The following SGK1 variants were observed in gnomAD, a reference collection of about 807,000 sequenced individuals.
SGK1 encodes serine/threonine-protein kinase Sgk1.
A neutral mutation model predicts 64.2 loss-of-function variants in SGK1; 26 were observed. The observed-to-expected ratio is 0.40, with a 90% confidence interval of 0.30 to 0.56. SGK1 has a LOEUF of 0.56. Among genes scored for constraint, SGK1 ranks in the 20% least tolerant of loss-of-function variants. The probability of loss-of-function intolerance (pLI) is 0.38; values close to 1 mark genes in which losing one functional copy is unlikely to be tolerated. For missense variants in SGK1, 519 were observed against 645.6 expected (o/e 0.80, Z 2.12); for synonymous variants, 265 against 239.7 (o/e 1.11, Z -0.98).
chr6:134,178,634 T>C (rs765331234), intron 3 of SGK1, among the ~76,000 whole-genome samples: 4 of 152,178 alleles, frequency 2.6e-5, no homozygotes, highest in Non-Finnish European at 4.4e-5. Flanking sequence ...TCCCGAACTG[T>C]TTGTAAATGC....
chr6:134,179,169 C>A (rs1339904716), intron 3 of SGK1, among the ~76,000 whole-genome samples: 1 of 152,022 alleles, frequency 6.6e-6, no homozygotes, highest in Non-Finnish European at 1.5e-5. Flanking sequence ...TAACCATATT[C>A]ACTCTTAAGA....
At chr6:134,232,429 A>AGAGAG (rs1562259737) in intron 2 of SGK1, among the ~76,000 whole-genome samples, 17,590 of 56,234 alleles carry the variant, frequency 0.31, 3,012 homozygotes, top group Non-Finnish European at 0.35. Flanking sequence ...GAAAGAAAGA[A>AGAGAG]AGAAAGAAAG....
chr6:134,299,468 G>T (rs1213827153), intron 1 of SGK1, among the ~76,000 whole-genome samples: 1 of 152,188 alleles, frequency 6.6e-6, no homozygotes, highest in Non-Finnish European at 1.5e-5. Context: ...AGCTAAGTGT[G>T]GAGTAAGGGT....
chr6:134,312,903 G>A (rs1481149781), intron 1 of SGK1, among the ~76,000 whole-genome samples: 1 of 152,118 alleles, frequency 6.6e-6, no homozygotes, highest in Non-Finnish European at 1.5e-5. Flanking sequence ...CTCCTGAGTA[G>A]CTGGGATTAT....
At chr6:134,207,263 AT>A (rs1192490008) in intron 3 of SGK1, 92 bp downstream of exon 3, 6 of 801,178 alleles carry the variant, frequency 7.5e-6, no homozygotes, top group Admixed American at 2.7e-5. Context: ...AAACAAAAAA[AT>A]ATTTCCCCCC....
At chr6:134,181,971 C>T (rs960092750) in intron 3 of SGK1, among the ~76,000 whole-genome samples, 1 of 151,980 alleles carries the variant, frequency 6.6e-6, no homozygotes, top group African/African-American at 2.4e-5. Context: ...GATTCTCATG[C>T]CTCAGACTCT....
In SGK1 at chr6:134,213,615, AAAATAAATAAAT is replaced by A. The variant is rs55961271; in HGVS notation, c.286-6196_286-6185del. On this transcript the variant is annotated intron_variant, in intron 2 of 13. Transcript: ENST00000367858. ...GGTGACAAGAGCAAAACTCTGTCTC[AAAATAAATAAAT>A]AAATAAATAAATAAATAATAAATAA... Among the ~76,000 whole-genome samples, 14 of 123,006 alleles carry A rather than the reference AAAATAAATAAAT, an allele frequency of 1.1e-4. No homozygotes were observed. The East Asian group carries it at 3.1e-3, about 27-fold the overall frequency. The allele number at this position is 123,006 out of a possible 152,430, so 80.7% of individuals were successfully genotyped here. A position where few individuals can be genotyped will look rare whatever the true frequency, so the allele number is the denominator to read the frequency against.
At chr6:134,289,920 G>A (rs930448567) in intron 1 of SGK1, among the ~76,000 whole-genome samples, 3 of 151,912 alleles carry the variant, frequency 2.0e-5, no homozygotes, top group South Asian at 4.1e-4. Context: ...AGGCTGAGGC[G>A]GGTGGATCAC....
intron 3 of SGK1, chr6:134,175,730 C>G (rs1314914222): frequency 1.5e-6 from 2 of 1,373,628 alleles, no homozygotes; most frequent in African/African-American, 1.5e-5. Flanking sequence ...CTTGAAGGAG[C>G]CGCCGTGACT....
chr6:134,239,699 G>A (rs771142268), intron 2 of SGK1, among the ~76,000 whole-genome samples: 1 of 152,200 alleles, frequency 6.6e-6, no homozygotes, highest in Non-Finnish European at 1.5e-5. Flanking sequence ...GGATCATTGA[G>A]GGGACAAGGT....
At chr6:134,243,989 A>C (rs559552895) in intron 2 of SGK1, among the ~76,000 whole-genome samples, 117 of 152,100 alleles carry the variant, frequency 7.7e-4, no homozygotes, top group African/African-American at 2.6e-3. Flanking sequence ...TTTATTTTTA[A>C]AATTATACTT....
intron 3 of SGK1, among the ~76,000 whole-genome samples, chr6:134,202,263 T>C (rs1323074415): frequency 6.6e-6 from 1 of 152,124 alleles, no homozygotes; most frequent in Non-Finnish European, 1.5e-5. Context: ...AAAAATATCC[T>C]TCAAGAATGA....
rs185585613 is a variant in SGK1 at position 134,272,464 on chromosome 6, G to C, written c.70-10316C>G. On this transcript the variant is annotated intron_variant, in intron 1 of 13. Coordinates refer to ENST00000367858, the MANE Select transcript of SGK1 (RefSeq NM_001143676.3). ...CCACTGCGCCTGGCCTCATTCCAGTGTTGTTGTTGTTTTTTTAACTGTCTC... is the reference window on the plus strand; with the variant it reads ...CCACTGCGCCTGGCCTCATTCCAGTCTTGTTGTTGTTTTTTTAACTGTCTC... Among the ~76,000 whole-genome samples the C allele has an allele frequency of 3.1e-3, 454 of 146,820 alleles. 21 individuals are homozygous for C. The highest frequency in any genetic ancestry group is 8.6e-3 in the African/African-American group (351 of 41,004).
intron 2 of SGK1, among the ~76,000 whole-genome samples, chr6:134,233,547 C>CA (rs1415512475): frequency 6.6e-6 from 1 of 152,138 alleles, no homozygotes; most frequent in Non-Finnish European, 1.5e-5. Context: ...CTGAATATGC[C>CA]AGACACGGTT....
intron 3 of SGK1, among the ~76,000 whole-genome samples, chr6:134,202,840 C>T (rs1232946704): frequency 6.6e-6 from 1 of 152,080 alleles, no homozygotes; most frequent in East Asian, 1.9e-4. Flanking sequence ...GGGTTTAGTA[C>T]ATATATAGAT....
intron 3 of SGK1, among the ~76,000 whole-genome samples, chr6:134,176,724 C>T (rs1422285367): frequency 6.6e-6 from 1 of 152,230 alleles, no homozygotes; most frequent in Non-Finnish European, 1.5e-5. Flanking sequence ...CCAGGAATAG[C>T]ATGTGAAACG....
At chr6:134,272,648 T>G (rs1335583232) in intron 1 of SGK1, among the ~76,000 whole-genome samples, 1 of 147,966 alleles carries the variant, frequency 6.8e-6, no homozygotes, top group Non-Finnish European at 1.5e-5. Context: ...CTCTTCTCTC[T>G]TAGCCGAGCT....
At chr6:134,255,624 T>C (rs978825758) in intron 2 of SGK1, among the ~76,000 whole-genome samples, 2 of 135,092 alleles carry the variant, frequency 1.5e-5, no homozygotes, top group Non-Finnish European at 3.1e-5. Flanking sequence ...TCTTGTCACC[T>C]AGGCTGGAGT....
intron 9 of SGK1, 155 bp downstream of exon 9, chr6:134,172,507 T>C: frequency 1.3e-6 from 1 of 785,962 alleles, no homozygotes; most frequent in Non-Finnish European, 2.0e-6. Flanking sequence ...TGGTTCCCCC[T>C]TGGCACTTAA....
Sources: allele counts gnomAD v4.1 joint callset (sites outside exome capture counted in the v4.1 genomes callset), GRCh38; gene constraint gnomAD v4.1.1; transcripts MANE v1.5; gene names NCBI Gene and HGNC (gene_info 2026-07-23, HGNC 2026-07-21).